Variants in OTOGL observed in about 807,000 individuals in gnomAD.
OTOGL encodes the protein otogelin like, also known as otogelin-like protein.
In OTOGL, 285 loss-of-function variants were observed where a neutral mutation model predicts 318.5. The observed-to-expected ratio is 0.89, with a 90% confidence interval of 0.81 to 0.99. The LOEUF (loss-of-function observed/expected upper bound fraction) is 0.99. Ranked by LOEUF, OTOGL falls within the 50% of genes least tolerant of loss-of-function variation. The pLI is 0.00. For missense variants in OTOGL, 2,899 were observed against 2,845.6 expected (o/e 1.02, Z -0.43); for synonymous variants, 987 against 936.5 (o/e 1.05, Z -0.99).
chr12:80,251,956 T>TC (rs1412562669), intron 12 of OTOGL, 120 bp from the exon 13 acceptor site: 1 of 1,276,830 alleles, frequency 7.8e-7, no homozygotes, highest in Admixed American at 3.2e-5. Flanking sequence ...AGTATGCAAT[T>TC]TTTTTGCAAT....
At chr12:80,347,267 G>T (rs2137975342) in intron 44 of OTOGL, among the ~76,000 whole-genome samples, 1 of 151,956 alleles carries the variant, frequency 6.6e-6, no homozygotes, top group South Asian at 2.1e-4. Context: ...CATCTACATT[G>T]GGTATTTCTC....
intron 1 of OTOGL, among the ~76,000 whole-genome samples, chr12:80,149,777 G>T (rs149011995): frequency 3.9e-5 from 6 of 152,200 alleles, no homozygotes; most frequent in Admixed American, 2.6e-4. Flanking sequence ...GTGGTGCACC[G>T]TTTTTTAAGC....
In OTOGL at chr12:80,302,541, A is replaced by G. The variant is rs576845338; in HGVS notation, c.3064-93A>G. On this transcript the variant is annotated intron_variant, in intron 27 of 58. Transcript: ENST00000547103. ...ACCATGCAACAATATTAGTACATAA[A>G]TAGTTGTTGGTAAATGTTAACTAAA... The G allele has an allele frequency of 3.4e-5, 29 of 856,856 alleles. No individual in the cohort carries two copies. The African/African-American group carries it at 4.2e-4, about 12-fold the overall frequency. 53.1% of individuals were successfully genotyped at this position (856,856 alleles called of 1,614,324 possible). A position where few individuals can be genotyped will look rare whatever the true frequency, so the allele number is the denominator to read the frequency against.
At chr12:80,232,299 A>G (rs1204904556) in intron 8 of OTOGL, among the ~76,000 whole-genome samples, 1 of 152,200 alleles carries the variant, frequency 6.6e-6, no homozygotes, top group Non-Finnish European at 1.5e-5. Flanking sequence ...GTGGCATTAA[A>G]TATGTAAGTT....
Position 80,305,570 on chromosome 12 carries a change from CT to C in OTOGL, c.3214-3del. The C allele has an allele frequency of 6.5e-7, 1 of 1,531,248 alleles. No individual in the cohort carries two copies. Among genetic ancestry groups the C allele is most frequent in the East Asian group, 2.3e-5 (1 of 42,970 alleles). 94.9% of individuals were successfully genotyped at this position (1,531,248 alleles called of 1,614,324 possible). ...AATATTTCCTGGTGATTTTCTCTTA[CT>C]TTAGAACAAGCTATCAGGATTGTGT... is the stretch of plus-strand genomic sequence containing the variant. On this transcript the variant is annotated splice_polypyrimidine_tract_variant and splice_region_variant and intron_variant, in intron 28 of 58. Coordinates refer to ENST00000547103, the MANE Select transcript of OTOGL (RefSeq NM_001378609.3).
At chr12:80,173,966 G>C (rs926537193) in intron 1 of OTOGL, among the ~76,000 whole-genome samples, 3 of 152,132 alleles carry the variant, frequency 2.0e-5, no homozygotes, top group African/African-American at 7.2e-5. Flanking sequence ...ATTAGTAATT[G>C]TTCAATTTAA....
intron 11 of OTOGL, among the ~76,000 whole-genome samples, chr12:80,250,724 A>G (rs1165765416): frequency 1.3e-5 from 2 of 152,330 alleles, no homozygotes; most frequent in East Asian, 3.9e-4. Flanking sequence ...GGCTTTTACA[A>G]TAGTGACACT....
intron 39 of OTOGL, 117 bp downstream of exon 39, chr12:80,336,257 G>T (rs1888393597): frequency 7.4e-6 from 10 of 1,346,330 alleles, no homozygotes; most frequent in Non-Finnish European, 8.7e-6. Flanking sequence ...GAGTTTTCAT[G>T]ATTTGATTTA....
chr12:80,365,902 C>T (rs1445741505), intron 52 of OTOGL, among the ~76,000 whole-genome samples: 1 of 152,078 alleles, frequency 6.6e-6, no homozygotes, highest in African/African-American at 2.4e-5. Flanking sequence ...AAACTTTAAG[C>T]CTGGTCCTGT....
chr12:80,267,265 T>C lies in OTOGL; in HGVS notation c.2403T>C (p.Arg801=), dbSNP rs941323271. ...TTTCTTCGTATAGATTCCACTGCCGTTGTCATTATAGGGGCAGTGTTTATC... is the reference window on the plus strand; with the variant it reads ...TTTCTTCGTATAGATTCCACTGCCGCTGTCATTATAGGGGCAGTGTTTATC... ...LNFCVPIFHC[R]CHYRGSVYQP... The change falls in exon 22 of 59, where the codon CGT becomes CGC. Residue 801 remains arginine, a synonymous_variant. Transcript: ENST00000547103. 7 of 1,555,988 alleles carry C rather than the reference T, an allele frequency of 4.5e-6. No homozygotes were observed. Among genetic ancestry groups the C allele is most frequent in the Non-Finnish European group, 6.2e-6 (7 of 1,138,096 alleles).
intron 56 of OTOGL, among the ~76,000 whole-genome samples, chr12:80,371,725 A>G (rs1166480833): frequency 2.6e-5 from 4 of 152,168 alleles, no homozygotes; most frequent in African/African-American, 9.6e-5. Flanking sequence ...AGCTGTTATT[A>G]TTTTGTTTTA....
intron 1 of OTOGL, among the ~76,000 whole-genome samples, chr12:80,125,334 T>A (rs1870756409): frequency 6.6e-6 from 1 of 152,216 alleles, no homozygotes. Context: ...ATATGCTGGA[T>A]TACGTTTATT....
Position 80,231,657 on chromosome 12 carries a change from CAG to C in OTOGL, c.612-1232_612-1231del, listed in dbSNP as rs533339801. On this transcript the variant is annotated intron_variant, in intron 8 of 58. Transcript: ENST00000547103. ...TATTTTTATTTTTATTATTTTTAAA[CAG>C]AGTCTCACTCTGTTGCCCAGTCTGG... 3.5e-4 allele frequency among the ~76,000 whole-genome samples: 53 copies of C among 152,006 alleles called. No individual in the cohort carries two copies. The East Asian group carries it at 9.5e-3, about 27-fold the overall frequency.
At chr12:80,311,782 A>C (rs1355948763) in intron 30 of OTOGL, among the ~76,000 whole-genome samples, 1 of 152,192 alleles carries the variant, frequency 6.6e-6, no homozygotes, top group African/African-American at 2.4e-5. Context: ...TCTTTGATAA[A>C]ATTTACTTTC....
At chr12:80,285,595 C>T (rs899592131) in intron 26 of OTOGL, among the ~76,000 whole-genome samples, 5 of 152,182 alleles carry the variant, frequency 3.3e-5, no homozygotes, top group Admixed American at 6.5e-5. Flanking sequence ...CCTTCACATA[C>T]ATTGTAAGTT....
At position 80,341,967 on chromosome 12, in the gene OTOGL, G is replaced by A. The variant is rs371704079; in HGVS notation, c.5070G>A (p.Pro1690=). The change falls in exon 44 of 59, where the codon CCG becomes CCA. Residue 1690 remains proline (P), a synonymous_variant. Coordinates refer to ENST00000547103, the MANE Select transcript of OTOGL (RefSeq NM_001378609.3). ...TTCAAGGAATTTGCAATGAAGATCC[G>A]GATGATGATCTAAGGATGCAAAATG... is the stretch of plus-strand genomic sequence containing the variant. ...EGLCGICNED[P]DDDLRMQNGT... 1.2e-5 allele frequency: 19 copies of A among 1,605,040 alleles called. No individual in the cohort carries two copies. Among genetic ancestry groups the A allele is most frequent in the Admixed American group, 1.7e-5 (1 of 59,330 alleles).
chr12:80,200,994 G>A (rs528262453), intron 1 of OTOGL, among the ~76,000 whole-genome samples: 60 of 152,270 alleles, frequency 3.9e-4, no homozygotes, highest in Non-Finnish European at 7.6e-4. Context: ...GCAAGAAATA[G>A]CTTTGCTCTG....
intron 26 of OTOGL, among the ~76,000 whole-genome samples, chr12:80,294,700 G>T (rs765614391): frequency 3.9e-5 from 6 of 152,134 alleles, no homozygotes; most frequent in Admixed American, 6.5e-5. Context: ...TTATTAACAA[G>T]GCAGAAAGAA....
chr12:80,375,495 G>T (rs1891129790), intron 57 of OTOGL, among the ~76,000 whole-genome samples: 1 of 152,146 alleles, frequency 6.6e-6, no homozygotes, highest in African/African-American at 2.4e-5. Flanking sequence ...GTGATGAGTG[G>T]TATAAAGAAA....
Sources: allele counts gnomAD v4.1 joint callset (sites outside exome capture counted in the v4.1 genomes callset), GRCh38; gene constraint gnomAD v4.1.1; transcripts MANE v1.5; gene names NCBI Gene and HGNC (gene_info 2026-07-23, HGNC 2026-07-21).